RABGAP1L: variants seen among roughly 807,000 people sequenced by gnomAD.
The protein encoded by RABGAP1L is rab GTPase-activating protein 1-like.
A neutral mutation model predicts 137.7 loss-of-function variants in RABGAP1L; 63 were observed. That is an observed-to-expected ratio of 0.46 (90% confidence interval 0.37 to 0.56). RABGAP1L has a LOEUF of 0.56. Among genes scored for constraint, RABGAP1L ranks in the 20% least tolerant of loss-of-function variants. The probability of loss-of-function intolerance (pLI) is 0.00; values close to 1 mark genes in which losing one functional copy is unlikely to be tolerated. For missense variants in RABGAP1L, 1,095 were observed against 1,244.0 expected (o/e 0.88, Z 1.80); for synonymous variants, 431 against 433.7 (o/e 0.99, Z 0.08).
At chr1:174,464,067 C>A (rs1244355246) in intron 13 of RABGAP1L, among the ~76,000 whole-genome samples, 1 of 151,974 alleles carries the variant, frequency 6.6e-6, no homozygotes, top group Non-Finnish European at 1.5e-5. Context: ...AGAAATGTTA[C>A]CATTTGTGTT....
At chr1:174,676,695 T>TA (rs1456768238) in intron 14 of RABGAP1L, among the ~76,000 whole-genome samples, 1 of 152,232 alleles carries the variant, frequency 6.6e-6, no homozygotes, top group Non-Finnish European at 1.5e-5. Flanking sequence ...GCATGGTCAG[T>TA]AGTATTCCAA....
At chr1:174,711,417 C>T (rs988173296) in intron 17 of RABGAP1L, among the ~76,000 whole-genome samples, 19 of 151,912 alleles carry the variant, frequency 1.3e-4, no homozygotes, top group Non-Finnish European at 1.5e-5. Flanking sequence ...GGGTGGGAAC[C>T]GAGGCTGCGC....
At chr1:174,383,254 C>A (rs1317815421) in intron 12 of RABGAP1L, among the ~76,000 whole-genome samples, 1 of 151,110 alleles carries the variant, frequency 6.6e-6, no homozygotes, top group Admixed American at 6.6e-5. Context: ...TTTGTCTGTG[C>A]CCTGCCCTCA....
chr1:174,909,626 T>G (rs1244666063), intron 19 of RABGAP1L, among the ~76,000 whole-genome samples: 1 of 152,192 alleles, frequency 6.6e-6, no homozygotes, highest in African/African-American at 2.4e-5. Context: ...TATGGAAAGT[T>G]AAAATCGAAA....
At chr1:174,644,055 G>T (rs1326207404) in intron 14 of RABGAP1L, among the ~76,000 whole-genome samples, 1 of 151,810 alleles carries the variant, frequency 6.6e-6, no homozygotes, top group Non-Finnish European at 1.5e-5. Context: ...ATACAAAAGG[G>T]TTATTTTGGG....
At chr1:174,666,576 T>C (rs1676801817) in intron 14 of RABGAP1L, among the ~76,000 whole-genome samples, 1 of 152,204 alleles carries the variant, frequency 6.6e-6, no homozygotes, top group Non-Finnish European at 1.5e-5. Flanking sequence ...GTTTGACCCA[T>C]TGTTGCACTC....
At chr1:174,873,492 C>T (rs1652532650) in intron 19 of RABGAP1L, among the ~76,000 whole-genome samples, 1 of 149,788 alleles carries the variant, frequency 6.7e-6, no homozygotes, top group Admixed American at 6.7e-5. Context: ...TTGACTGCTA[C>T]TCTCCTGAGT....
chr1:174,965,072 A>G (rs1669498462), intron 20 of RABGAP1L: 1 of 988,040 alleles, frequency 1.0e-6, no homozygotes, highest in African/African-American at 1.7e-5. Flanking sequence ...AAAAGTTACT[A>G]ACCAAACTTT....
At chr1:174,892,779 G>C (rs1656420685) in intron 19 of RABGAP1L, 1 of 401,226 alleles carries the variant, frequency 2.5e-6, no homozygotes, top group Non-Finnish European at 4.8e-6. Flanking sequence ...GCCCAGGCTG[G>C]AGTGCAATGG....
intron 13 of RABGAP1L, among the ~76,000 whole-genome samples, chr1:174,580,074 T>G (rs1488626997): frequency 6.6e-6 from 1 of 152,184 alleles, no homozygotes; most frequent in Non-Finnish European, 1.5e-5. Context: ...GACTTTGTAT[T>G]TAATAGTGGT....
At chr1:174,959,441 G>A (rs1375597956) in intron 20 of RABGAP1L, among the ~76,000 whole-genome samples, 1 of 152,148 alleles carries the variant, frequency 6.6e-6, no homozygotes, top group African/African-American at 2.4e-5. Flanking sequence ...ACTTGTTATT[G>A]TGTCTTAAAT....
At chr1:174,494,163 TGTAGAG>T in intron 13 of RABGAP1L, among the ~76,000 whole-genome samples, 1 of 152,208 alleles carries the variant, frequency 6.6e-6, no homozygotes, top group Non-Finnish European at 1.5e-5. Flanking sequence ...GAAAGGTTTA[TGTAGAG>T]GTAAATGGGT....
chr1:174,198,291 A>G (rs925390787), intron 1 of RABGAP1L, among the ~76,000 whole-genome samples: 11 of 152,206 alleles, frequency 7.2e-5, no homozygotes, highest in African/African-American at 2.7e-4. Context: ...TGTTTATAAT[A>G]TACAGAGAAA....
intron 13 of RABGAP1L, among the ~76,000 whole-genome samples, chr1:174,454,352 A>G (rs1299859801): frequency 2.0e-5 from 3 of 152,200 alleles, no homozygotes; most frequent in African/African-American, 2.4e-5. Context: ...ACACTATCCA[A>G]TAATGTCTCA....
chr1:174,885,705 C>T (rs1654972577), intron 19 of RABGAP1L, among the ~76,000 whole-genome samples: 1 of 151,906 alleles, frequency 6.6e-6, no homozygotes, highest in Non-Finnish European at 1.5e-5. Context: ...TAGTTGCTCA[C>T]GCCTGTAATC....
At chr1:174,714,179 A>C (rs1461395274) in intron 17 of RABGAP1L, among the ~76,000 whole-genome samples, 2 of 152,218 alleles carry the variant, frequency 1.3e-5, no homozygotes, top group African/African-American at 2.4e-5. Flanking sequence ...TTTAAAAAAA[A>C]AAAGAAAAAC....
chr1:174,959,955 T>A (rs1668939201), intron 20 of RABGAP1L, among the ~76,000 whole-genome samples: 1 of 152,164 alleles, frequency 6.6e-6, no homozygotes, highest in East Asian at 1.9e-4. Flanking sequence ...AAGAATAAGA[T>A]CTCTGTCCTG....
intron 18 of RABGAP1L, among the ~76,000 whole-genome samples, chr1:174,772,567 CAAAAAAAAA>C (rs60690186): frequency 3.8e-5 from 2 of 53,074 alleles, no homozygotes; most frequent in Non-Finnish European, 6.7e-5. Context: ...GACTCCATCT[CAAAAAAAAA>C]AAAAAAAAAA....
In RABGAP1L at chr1:174,305,504, C is replaced by A. The variant is rs183803584; in HGVS notation, c.1465+377C>A. The stretch of plus-strand genomic sequence containing the variant: ...GGTTCAAACAATTCTCCTGCCTCAG[C>A]CTCCTGAGTAGCCAGATACAGGTGT... On this transcript the variant is annotated intron_variant, in intron 11 of 25. Transcript: ENST00000681986. Among the ~76,000 whole-genome samples the A allele has an allele frequency of 9.0e-4, 137 of 152,238 alleles. 1 individual carries two copies. The highest frequency in any genetic ancestry group is 1.6e-3 in the Non-Finnish European group (110 of 68,016).
Sources: gnomAD v4.1 joint callset for allele counts (sites outside exome capture counted in the v4.1 genomes callset) on GRCh38, gnomAD v4.1.1 for gene constraint, MANE v1.5 for transcripts, NCBI Gene and HGNC (gene_info 2026-07-23, HGNC 2026-07-21) for gene names.